PCLO: variants seen among roughly 807,000 people sequenced by gnomAD.
PCLO encodes protein piccolo.
PCLO carries 82 observed loss-of-function variants against 427.5 expected under a neutral mutation model. That is an observed-to-expected ratio of 0.19 (90% CI 0.16 to 0.23). The LOEUF is 0.23. PCLO is among the 10% of genes least tolerant of loss of function. The probability of loss-of-function intolerance (pLI) is 1.00; values close to 1 mark genes in which losing one functional copy is unlikely to be tolerated. For synonymous variants in PCLO, 2,357 were observed against 2,155.4 expected (o/e 1.09, Z -2.59); for missense variants, 6,239 against 6,115.9 (o/e 1.02, Z -0.67).
rs753403738 is a variant in PCLO at position 82,782,222 on chromosome 7, T to C, written c.15007+19296A>G. 1.0e-3 allele frequency among the ~76,000 whole-genome samples: 157 copies of C among 152,252 alleles called. 1 individual carries two copies. The highest frequency in any genetic ancestry group is 2.0e-3 in the Non-Finnish European group (134 of 68,020). On this transcript the variant is annotated intron_variant, in intron 22 of 24. Transcript: ENST00000333891. The stretch of plus-strand genomic sequence containing the variant: ...TAAATTGGAGGACACCCAGCTGGTA[T>C]CTGTAATTTGGTGTGTGGGGAAAAC...
intron 5 of PCLO, 99 bp downstream of exon 5, chr7:82,951,757 T>A: frequency 6.8e-7 from 1 of 1,467,928 alleles, no homozygotes; most frequent in South Asian, 1.4e-5. Flanking sequence ...AGAGAAAAAG[T>A]AACAAAACTG....
chr7:82,992,759 GAA>G (rs1159639882), intron 3 of PCLO, among the ~76,000 whole-genome samples: 3 of 149,696 alleles, frequency 2.0e-5, no homozygotes, highest in Non-Finnish European at 4.5e-5. Context: ...TAAAGTAAAA[GAA>G]AAAAAAATGA....
intron 3 of PCLO, among the ~76,000 whole-genome samples, chr7:83,024,440 G>GGCTCGGAGGGTCCTAC (rs1788430835): frequency 1.3e-5 from 2 of 152,342 alleles, no homozygotes; most frequent in African/African-American, 2.4e-5. Context: ...TCCCGCACGT[G>GGCTCGGAGGGTCCTAC]GCTCGGAGGG....
At chr7:83,099,812 T>G (rs1013895659) in intron 3 of PCLO, among the ~76,000 whole-genome samples, 1 of 147,602 alleles carries the variant, frequency 6.8e-6, no homozygotes, top group Admixed American at 7.0e-5. Flanking sequence ...ACATACTCCA[T>G]AAAACACCTC....
chr7:83,075,106 C>T (rs1789917306), intron 3 of PCLO, among the ~76,000 whole-genome samples: 1 of 152,078 alleles, frequency 6.6e-6, no homozygotes. Flanking sequence ...TTGCTGAAAT[C>T]CTACTGTACT....
At chr7:83,117,142 G>A (rs941272276) in intron 3 of PCLO, among the ~76,000 whole-genome samples, 1 of 152,136 alleles carries the variant, frequency 6.6e-6, no homozygotes. Context: ...ATTTAGTACT[G>A]TAGCAATCAC....
chr7:83,067,691 A>C (rs1400556354), intron 3 of PCLO, among the ~76,000 whole-genome samples: 1 of 152,336 alleles, frequency 6.6e-6, no homozygotes, highest in East Asian at 1.9e-4. Flanking sequence ...TTAAAGATCC[A>C]TATCTTTCCT....
intron 22 of PCLO, among the ~76,000 whole-genome samples, chr7:82,790,047 G>C (rs1185400245): frequency 6.6e-6 from 1 of 151,916 alleles, no homozygotes; most frequent in Non-Finnish European, 1.5e-5. Context: ...ATCATTTTTA[G>C]AACAAAGAAC....
At position 82,902,805 on chromosome 7, in the gene PCLO, A is replaced by G. The variant is rs571173590; in HGVS notation, c.13438-64T>C. On this transcript the variant is annotated intron_variant, in intron 8 of 24. Transcript: ENST00000333891. Reference sequence around the variant, plus strand: ...AAGACACTTAAAGTGCAATATACATAATTAGAATGGTTCATTTCAAAGCAC... The same window carrying G: ...AAGACACTTAAAGTGCAATATACATGATTAGAATGGTTCATTTCAAAGCAC... 39 of 777,780 alleles carry G rather than the reference A, an allele frequency of 5.0e-5. No homozygotes were observed. The East Asian group carries it at 9.2e-4, about 18-fold the overall frequency. 48.2% of individuals were successfully genotyped at this position (777,780 alleles called of 1,614,324 possible). A position where few individuals can be genotyped will look rare whatever the true frequency, so the allele number is the denominator to read the frequency against.
intron 3 of PCLO, among the ~76,000 whole-genome samples, chr7:83,035,662 TAAAA>T (rs998902612): frequency 2.0e-5 from 3 of 152,170 alleles, no homozygotes; most frequent in Non-Finnish European, 4.4e-5. Flanking sequence ...ATCAATGAAT[TAAAA>T]ACATCTTTGA....
At chr7:83,112,437 A>G (rs1311346999) in intron 3 of PCLO, among the ~76,000 whole-genome samples, 1 of 152,150 alleles carries the variant, frequency 6.6e-6, no homozygotes, top group Non-Finnish European at 1.5e-5. Context: ...AGTAATCATA[A>G]TGACAAAGCT....
chr7:82,996,513 C>T (rs1180106591), intron 3 of PCLO, among the ~76,000 whole-genome samples: 6 of 151,898 alleles, frequency 4.0e-5, no homozygotes, highest in African/African-American at 1.2e-4. Context: ...TCTACACTGC[C>T]GTCCAAACAA....
At chr7:83,136,161 AT>A (rs1164517434) in intron 2 of PCLO, among the ~76,000 whole-genome samples, 1 of 152,120 alleles carries the variant, frequency 6.6e-6, no homozygotes, top group Non-Finnish European at 1.5e-5. Context: ...TAAGGAATAT[AT>A]AAAGTAAAAA....
intron 2 of PCLO, among the ~76,000 whole-genome samples, chr7:83,151,070 C>T (rs11768860): frequency 0.26 from 39,757 of 152,026 alleles, 5,687 homozygotes; most frequent in Middle Eastern, 0.33. Context: ...CTCTCTAGAG[C>T]TCTAACTTCT....
intron 3 of PCLO, among the ~76,000 whole-genome samples, chr7:83,116,978 T>G (rs1791150790): frequency 6.6e-6 from 1 of 152,210 alleles, no homozygotes; most frequent in African/African-American, 2.4e-5. Flanking sequence ...AAATGTGGTA[T>G]GTATAGACAA....
Position 83,093,492 on chromosome 7 carries a change from A to ATATT in PCLO, c.3300+40757_3300+40758insAATA. Among the ~76,000 whole-genome samples, 266 of 59,322 alleles carry ATATT rather than the reference A, an allele frequency of 4.5e-3. 7 individuals carry two copies. Among genetic ancestry groups the ATATT allele is most frequent in the African/African-American group, 0.013 (241 of 18,542 alleles). 38.9% of individuals were successfully genotyped at this position (59,322 alleles called of 152,430 possible). A position where few individuals can be genotyped will look rare whatever the true frequency, so the allele number is the denominator to read the frequency against. On this transcript the variant is annotated intron_variant, in intron 3 of 24. Transcript: ENST00000333891. ...TGTGTGTATAGATATATATATATAT[A>ATATT]TTTTTTTTTTTTTTTTTTGAGATGG...
Position 83,135,275 on chromosome 7 carries a change from T to C in PCLO, c.2275A>G (p.Met759Val). 1 of 1,613,926 alleles carries C rather than the reference T, an allele frequency of 6.2e-7. No individual in the cohort carries two copies. Among genetic ancestry groups the C allele is most frequent in the Non-Finnish European group, 8.5e-7 (1 of 1,179,888 alleles). The change falls in exon 3 of 25, where the codon ATG becomes GTG. Residue 759 changes from methionine (M) to valine (V), a missense_variant. By Grantham distance (21) the Met-to-Val change is conservative (BLOSUM62 1). Around this residue, in one of 5 missense-constraint regions of PCLO, gnomAD observed 4,677 missense variants for 4,468.4 expected, o/e 1.05. Transcript: ENST00000333891. The part of the protein sequence containing the change: ...VADDKPKQPK[M>V]VKPTTDLVSS... ...ACAAGGTCAGTGGTTGGCTTTACCA[T>C]CTTGGGCTGCTTTGGTTTATCATCA...
intron 9 of PCLO, among the ~76,000 whole-genome samples, chr7:82,897,019 A>G (rs1052487005): frequency 6.6e-6 from 1 of 151,716 alleles, no homozygotes; most frequent in African/African-American, 2.4e-5. Flanking sequence ...AGTTTTAAAT[A>G]AGAAAAAAAA....
In PCLO at chr7:82,908,862, A is replaced by G. The variant is rs1226441317; in HGVS notation, c.13437+15T>C. 1 of 1,605,954 alleles carries G rather than the reference A, an allele frequency of 6.2e-7. No homozygotes were observed. On this transcript the variant is annotated intron_variant, in intron 8 of 24. Transcript: ENST00000333891. The stretch of plus-strand genomic sequence containing the variant: ...TTTGATAAATCTAAAAGAAATTGCT[A>G]AATATAGCACTTACTTGCTCTTGAT...
Sources: allele counts gnomAD v4.1 joint callset (sites outside exome capture counted in the v4.1 genomes callset), GRCh38; gene constraint gnomAD v4.1.1; regional missense constraint gnomAD v4.1.1; transcripts MANE v1.5; gene names NCBI Gene and HGNC (gene_info 2026-07-23, HGNC 2026-07-21).